Variants in NCAPD3 observed in about 807,000 individuals in gnomAD.
NCAPD3 encodes the protein condensin-2 complex subunit D3.
A neutral mutation model predicts 182.9 loss-of-function variants in NCAPD3; 105 were observed. That is an observed-to-expected ratio of 0.57 (90% CI 0.49 to 0.68). The LOEUF (loss-of-function observed/expected upper bound fraction) is 0.68, where lower values mean the gene tolerates loss of function less well. NCAPD3 is among the 30% of genes least tolerant of loss of function. NCAPD3 has a pLI of 0.00. For synonymous variants in NCAPD3, 815 were observed against 679.9 expected, an observed-to-expected ratio of 1.20 and a Z score of -3.09; for missense variants, 1,944 against 1,837.0, an observed-to-expected ratio of 1.06 and a Z score of -1.07.
At chr11:134,170,971 G>C (rs117572899) in intron 24 of NCAPD3, among the ~76,000 whole-genome samples, 1 of 152,210 alleles carries the variant, frequency 6.6e-6, no homozygotes, top group African/African-American at 2.4e-5. Context: ...TTGGAGAAGA[G>C]GGACTATTTT....
chr11:134,184,461 C>G (rs1944356017), intron 19 of NCAPD3, among the ~76,000 whole-genome samples, 176 bp downstream of exon 19: 1 of 152,248 alleles, frequency 6.6e-6, no homozygotes, highest in African/African-American at 2.4e-5. Context: ...GCTAAATCTT[C>G]TTGGGGAATG....
chr11:134,158,176 C>A, intron 30 of NCAPD3, 109 bp from the exon 31 acceptor site: 1 of 1,522,100 alleles, frequency 6.6e-7, no homozygotes, highest in East Asian at 2.3e-5. Context: ...CCCTCACCAC[C>A]CTCATTCAAA....
chr11:134,152,699 C>A lies in NCAPD3; in HGVS notation c.*245G>T. ...GACACTTTCAAATGGAATAAAGTTA[C>A]AATATTAAACAGATTAGGGTAAGAA... On this transcript the variant is annotated 3_prime_UTR_variant, in exon 35 of 35. Coordinates refer to ENST00000534548, the MANE Select transcript of NCAPD3 (RefSeq NM_015261.3). 1 of 387,650 alleles carries A rather than the reference C, an allele frequency of 2.6e-6. No individual in the cohort carries two copies. Among genetic ancestry groups the A allele is most frequent in the African/African-American group, 2.1e-5 (1 of 48,678 alleles). The allele number at this position is 387,650 out of a possible 1,614,324, so 24.0% of individuals were successfully genotyped here. A position where few individuals can be genotyped will look rare whatever the true frequency, so the allele number is the denominator to read the frequency against.
intron 32 of NCAPD3, chr11:134,153,757 G>T (rs556932642): frequency 4.1e-6 from 1 of 241,628 alleles, no homozygotes; most frequent in African/African-American, 2.2e-5. Flanking sequence ...ACCTCCACGC[G>T]TGCCTGCTGG....
chr11:134,161,693 G>A (rs375430154), intron 28 of NCAPD3, 88 bp downstream of exon 28: 20 of 776,448 alleles, frequency 2.6e-5, no homozygotes, highest in East Asian at 5.5e-5. Flanking sequence ...AATCATTCAC[G>A]GATTGCCTGC....
At position 134,183,267 on chromosome 11, in the gene NCAPD3, C is replaced by T. The variant is rs559838446; in HGVS notation, c.2451+1370G>A. ...AGGCTTGTGGTTTCATAGTCTGTAACGTTAATTCCTCCTGATCACTCTTTC... is the reference window on the plus strand; with the variant it reads ...AGGCTTGTGGTTTCATAGTCTGTAATGTTAATTCCTCCTGATCACTCTTTC... On this transcript the variant is annotated intron_variant, in intron 19 of 34. Transcript: ENST00000534548. The T allele has an allele frequency of 1.9e-5, 8 of 420,488 alleles. No homozygotes were observed. In the East Asian group the frequency reaches 4.3e-4, roughly 23 times the overall value. The allele number at this position is 420,488 out of a possible 1,614,324, so 26.0% of individuals were successfully genotyped here.
Position 134,209,426 on chromosome 11 carries a change from G to A in NCAPD3, c.619C>T (p.Arg207Trp), listed in dbSNP as rs369068547. 7.2e-5 allele frequency: 116 copies of A among 1,613,194 alleles called. No individual in the cohort carries two copies. Among genetic ancestry groups the A allele is most frequent in the Admixed American group, 2.2e-4 (13 of 59,984 alleles). ...GCATTTCGAATTTGAGAAAGGTCCC[G>A]GGCAGAAAAACAAATATTCTCATCT... ...QEDENICFSA[R>W]DLSQIRNAIF... The change falls in exon 5 of 35, where the codon CGG (arginine) becomes TGG (tryptophan). Residue 207 changes from arginine to tryptophan, a missense_variant. Coordinates refer to ENST00000534548, the MANE Select transcript of NCAPD3 (RefSeq NM_015261.3).
intron 7 of NCAPD3, 115 bp from the exon 8 acceptor site, chr11:134,206,847 G>T: frequency 9.2e-7 from 1 of 1,088,180 alleles, no homozygotes; most frequent in Non-Finnish European, 1.3e-6. Context: ...GGTCAGGCTG[G>T]CATAATTGCT....
At chr11:134,219,858 G>A (rs1406662358) in intron 2 of NCAPD3, among the ~76,000 whole-genome samples, 3 of 151,994 alleles carry the variant, frequency 2.0e-5, no homozygotes, top group East Asian at 1.9e-4. Context: ...GTGCAGTGGC[G>A]TGATCTCGGC....
chr11:134,164,059 C>G (rs1229025189), intron 27 of NCAPD3, among the ~76,000 whole-genome samples: 1 of 151,976 alleles, frequency 6.6e-6, no homozygotes, highest in Non-Finnish European at 1.5e-5. Context: ...GATCTTGTGG[C>G]AAGATATGAT....
chr11:134,201,666 G>A (rs371564786), intron 13 of NCAPD3, among the ~76,000 whole-genome samples: 147 of 152,220 alleles, frequency 9.7e-4, no homozygotes, highest in African/African-American at 3.3e-3. Flanking sequence ...TTGCGTCCCC[G>A]AACTTTCATA....
chr11:134,211,467 G>A (rs181394386), intron 3 of NCAPD3, among the ~76,000 whole-genome samples: 5 of 151,956 alleles, frequency 3.3e-5, no homozygotes, highest in Admixed American at 1.3e-4. Context: ...GAGCAACACA[G>A]CAAAACCCTG....
chr11:134,219,348 A>G (rs1268518361), intron 2 of NCAPD3, among the ~76,000 whole-genome samples: 1 of 152,104 alleles, frequency 6.6e-6, no homozygotes, highest in Non-Finnish European at 1.5e-5. Context: ...CAGGCGCCCA[A>G]ATGCACAGTG....
Position 134,192,760 on chromosome 11 carries a change from G to C in NCAPD3, c.1974C>G (p.His658Gln). The C allele has an allele frequency of 6.2e-7, 1 of 1,614,248 alleles. No individual in the cohort carries two copies. The highest frequency in any genetic ancestry group is 8.5e-7 in the Non-Finnish European group (1 of 1,180,052). ...LQNIRHHSHF[H>Q]SGDDSQVLAW... Reference sequence around the variant, plus strand: ...CGAGGACCTGGCTGTCGTCCCCAGAGTGAAAATGACTGTGATGCCGGATGT... The same window carrying C: ...CGAGGACCTGGCTGTCGTCCCCAGACTGAAAATGACTGTGATGCCGGATGT... Residue 658 changes from histidine (H) to glutamine (Q), a missense_variant, in exon 16 of 35, where the codon CAC becomes CAG. Around this residue, in one of 3 missense-constraint regions of NCAPD3, gnomAD observed 1,803 missense variants for 1,674.6 expected, o/e 1.08. Transcript: ENST00000534548.
intron 7 of NCAPD3, among the ~76,000 whole-genome samples, chr11:134,208,269 A>C (rs1484126172): frequency 6.6e-6 from 1 of 152,242 alleles, no homozygotes; most frequent in Non-Finnish European, 1.5e-5. Flanking sequence ...CATTTAAGAC[A>C]TCTAAGTTTA....
At chr11:134,165,865 G>A (rs1402594718) in intron 27 of NCAPD3, among the ~76,000 whole-genome samples, 7 of 132,064 alleles carry the variant, frequency 5.3e-5, no homozygotes, top group Admixed American at 4.7e-4. Flanking sequence ...TAGGGGAGCT[G>A]CACACTCACT....
chr11:134,202,628 G>T (rs1944772511), intron 13 of NCAPD3, among the ~76,000 whole-genome samples, 188 bp downstream of exon 13: 1 of 151,496 alleles, frequency 6.6e-6, no homozygotes, highest in Non-Finnish European at 1.5e-5. Flanking sequence ...TGATCTGCAG[G>T]CCTCAGCCTC....
At position 134,178,935 on chromosome 11, in the gene NCAPD3, A is replaced by G; in HGVS notation, c.2561T>C (p.Val854Ala). 1.9e-6 allele frequency: 3 copies of G among 1,606,190 alleles called. No homozygotes were observed. The highest frequency in any genetic ancestry group is 2.6e-6 in the Non-Finnish European group (3 of 1,173,006). Residue 854 changes from valine (V) to alanine (A), a missense_variant and splice_region_variant, in exon 21 of 35, where the codon GTG becomes GCG. Coordinates refer to ENST00000534548, the MANE Select transcript of NCAPD3 (RefSeq NM_015261.3). ...ATCCCCTAAGGTAAAAATGTACTTC[A>G]CCTACAAAGATAATTGGTTTTACAG... ...GTGNMDEDLL[V>A]KYIFTLGDIA...
At chr11:134,186,710 A>ATG (rs1224386214) in intron 16 of NCAPD3, among the ~76,000 whole-genome samples, 2 of 152,344 alleles carry the variant, frequency 1.3e-5, no homozygotes, top group East Asian at 3.9e-4. Flanking sequence ...GGAATTCCTC[A>ATG]TTAAACTGTT....
Sources: gnomAD v4.1 joint callset for allele counts (sites outside exome capture counted in the v4.1 genomes callset) on GRCh38, gnomAD v4.1.1 for gene constraint, gnomAD v4.1.1 regional missense constraint, MANE v1.5 for transcripts, NCBI Gene and HGNC (gene_info 2026-07-23, HGNC 2026-07-21) for gene names.